PRDM1: variants seen among roughly 807,000 people sequenced by gnomAD.
The protein encoded by PRDM1 is PR domain zinc finger protein 1.
Under a neutral mutation model 62.8 loss-of-function variants are expected in PRDM1, and 13 were observed. The ratio of observed to expected loss-of-function variants is 0.21; its 90% confidence interval spans 0.13 to 0.33. The LOEUF (loss-of-function observed/expected upper bound fraction) is 0.33, where lower values mean the gene tolerates loss of function less well. Ranked by LOEUF, PRDM1 falls within the 10% of genes least tolerant of loss-of-function variation. The pLI, the probability that PRDM1 is intolerant of heterozygous loss-of-function variation, is 1.00. For synonymous variants in PRDM1, 396 were observed against 417.6 expected (o/e 0.95, Z 0.63); for missense variants, 895 against 1,058.8 (o/e 0.85, Z 2.15).
At chr6:106,047,702 T>C (rs140466890), upstream of PRDM1, among the ~76,000 whole-genome samples, 3 of 152,298 alleles carry the variant, frequency 2.0e-5, no homozygotes, top group African/African-American at 7.2e-5. Context: ...TCACTAAAAC[T>C]TTAGTAAGAA....
chr6:106,008,242 G>A lies in PRDM1; in HGVS notation c.-67+14603G>A, dbSNP rs181277027. On this transcript the variant is annotated intron_variant, in intron 1 of 6. Coordinates refer to the PRDM1 transcript ENST00000652320. ...AAAAATATTAGCTGGGCGTGGTGGC[G>A]CGCGCCTGTAGTCCCAGCTACTCTG... is the stretch of plus-strand genomic sequence containing the variant. Among the ~76,000 whole-genome samples the A allele has an allele frequency of 1.8e-3, 271 of 152,188 alleles. 1 individual carries two copies. Among genetic ancestry groups the A allele is most frequent in the East Asian group, 6.2e-3 (32 of 5,176 alleles).
chr6:106,054,400 A>C (rs1773231433), intron 1 of PRDM1, among the ~76,000 whole-genome samples: 1 of 152,004 alleles, frequency 6.6e-6, no homozygotes, highest in Admixed American at 6.6e-5. Context: ...CTTTCTGTCT[A>C]TCTCTCTCTC....
At chr6:106,095,788 A>T in intron 3 of PRDM1, 54 bp downstream of exon 3, 2 of 1,593,964 alleles carry the variant, frequency 1.3e-6, no homozygotes, top group East Asian at 4.5e-5. Flanking sequence ...AAATGGAGCT[A>T]AAAGAGCTGG....
At chr6:106,023,318 A>G (rs1172997266) in intron 1 of PRDM1, among the ~76,000 whole-genome samples, 3 of 152,098 alleles carry the variant, frequency 2.0e-5, no homozygotes, top group African/African-American at 7.2e-5. Context: ...CACTTTAATA[A>G]GACTCCCTGT....
At chr6:106,000,141 G>T (rs1357038280) in intron 1 of PRDM1, among the ~76,000 whole-genome samples, 1 of 152,180 alleles carries the variant, frequency 6.6e-6, no homozygotes, top group Admixed American at 6.5e-5. Context: ...GAGCCACCGC[G>T]CCTGGCATTA....
intron 1 of PRDM1, among the ~76,000 whole-genome samples, chr6:106,074,276 A>C (rs1295523901): frequency 6.6e-6 from 1 of 152,214 alleles, no homozygotes; most frequent in Non-Finnish European, 1.5e-5. Context: ...TTTCCCTGAG[A>C]GTCAATTTCT....
chr6:106,009,563 A>G (rs183919708), intron 1 of PRDM1, among the ~76,000 whole-genome samples: 39 of 152,276 alleles, frequency 2.6e-4, no homozygotes, highest in African/African-American at 8.7e-4. Context: ...CTACCTACAT[A>G]TATACACATG....
At chr6:106,013,745 G>A (rs1249612666) in intron 1 of PRDM1, among the ~76,000 whole-genome samples, 2 of 152,180 alleles carry the variant, frequency 1.3e-5, no homozygotes, top group Non-Finnish European at 2.9e-5. Flanking sequence ...TTCCGCTGCT[G>A]AAGTGGCTGC....
At chr6:106,075,955 ATTTT>A (rs529520354) in intron 1 of PRDM1, among the ~76,000 whole-genome samples, 1 of 146,166 alleles carries the variant, frequency 6.8e-6, no homozygotes. Context: ...AAAAAAAAAA[ATTTT>A]TTTTTTTTTT....
chr6:106,038,960 C>T (rs1772957493), intron 1 of PRDM1, among the ~76,000 whole-genome samples: 1 of 152,184 alleles, frequency 6.6e-6, no homozygotes, highest in Non-Finnish European at 1.5e-5. Context: ...TGCCATTTCA[C>T]ACACATTTTT....
intron 4 of PRDM1, among the ~76,000 whole-genome samples, chr6:106,101,235 T>C (rs1196591572): frequency 6.6e-6 from 1 of 152,196 alleles, no homozygotes; most frequent in Non-Finnish European, 1.5e-5. Flanking sequence ...TGATTTTTGC[T>C]TTTCTTTAAA....
rs1217356411 is a variant in PRDM1 at position 106,107,956 on chromosome 6, A to G, written c.*470A>G. 4.3e-6 allele frequency: 1 copy of G among 232,648 alleles called. No individual in the cohort carries two copies. Among genetic ancestry groups the G allele is most frequent in the Non-Finnish European group, 8.5e-6 (1 of 117,528 alleles). 14.4% of individuals were successfully genotyped at this position (232,648 alleles called of 1,614,324 possible). On this transcript the variant is annotated 3_prime_UTR_variant, in exon 7 of 7. Coordinates refer to ENST00000369096, the MANE Select transcript of PRDM1 (RefSeq NM_001198.4). ...ATAAATGTATTTTTGTCTTGTGGCC[A>G]TTCTTTGTAGATAATTTCTGCACAT...
At chr6:106,027,993 A>G (rs1485682683) in intron 1 of PRDM1, among the ~76,000 whole-genome samples, 2 of 152,200 alleles carry the variant, frequency 1.3e-5, no homozygotes, top group Admixed American at 6.5e-5. Flanking sequence ...TTCAGCACCA[A>G]TAGAGTTGAG....
Position 106,012,116 on chromosome 6 carries a change from T to TAC in PRDM1, c.-67+18489_-67+18490dup, listed in dbSNP as rs1202067881. ...CACACACCACACCCCTCCACATTCATACACACACACACAAACATAACACAC... is the reference window on the plus strand; with the variant it reads ...CACACACCACACCCCTCCACATTCATACACACACACACACAAACATAACACAC... On this transcript the variant is annotated intron_variant, in intron 1 of 6. Coordinates refer to the PRDM1 transcript ENST00000652320. 3.9e-4 allele frequency among the ~76,000 whole-genome samples: 25 copies of TAC among 63,572 alleles called. 1 individual carries two copies. The highest frequency in any genetic ancestry group is 0.018 in the Middle Eastern group (1 of 56). The allele number at this position is 63,572 out of a possible 152,430, so 41.7% of individuals were successfully genotyped here. A position where few individuals can be genotyped will look rare whatever the true frequency, so the allele number is the denominator to read the frequency against.
chr6:106,046,573 C>T (rs915234851), upstream of PRDM1: 1 of 152,136 alleles, frequency 6.6e-6, no homozygotes, highest in African/African-American at 2.4e-5. Flanking sequence ...TTGGTCATGA[C>T]CACCGACACA....
intron 1 of PRDM1, among the ~76,000 whole-genome samples, chr6:106,031,607 T>C (rs1772845392): frequency 6.6e-6 from 1 of 152,188 alleles, no homozygotes; most frequent in Non-Finnish European, 1.5e-5. Context: ...ATTGAGGTTG[T>C]GGAAACCAGT....
At chr6:106,041,834 G>A (rs565490913) in intron 1 of PRDM1, among the ~76,000 whole-genome samples, 30 of 132,492 alleles carry the variant, frequency 2.3e-4, no homozygotes, top group South Asian at 1.2e-3. Context: ...TTTTGAGACC[G>A]AGTCTCACTG....
At chr6:106,093,288 T>A (rs1222904083) in intron 2 of PRDM1, among the ~76,000 whole-genome samples, 7 of 152,232 alleles carry the variant, frequency 4.6e-5, no homozygotes, top group Admixed American at 6.5e-5. Context: ...AGGCCCATTC[T>A]GTAAAAGAAT....
At position 106,002,310 on chromosome 6, in the gene PRDM1, T is replaced by A. The variant is rs552201952; in HGVS notation, c.-67+8671T>A. 7.9e-5 allele frequency among the ~76,000 whole-genome samples: 12 copies of A among 152,322 alleles called. No homozygotes were observed. In the East Asian group the frequency reaches 2.1e-3, roughly 27 times the overall value. On this transcript the variant is annotated intron_variant, in intron 1 of 6. Transcript: ENST00000652320. ...CACAAGGTTCTTAGTGGTGTTTTAA[T>A]TTTTTAATTTAATGTTTAACTTCTG...
Sources: allele counts gnomAD v4.1 joint callset (sites outside exome capture counted in the v4.1 genomes callset), GRCh38; gene constraint gnomAD v4.1.1; transcripts MANE v1.5; gene names NCBI Gene and HGNC (gene_info 2026-07-23, HGNC 2026-07-21).